The following NUBPL variants were observed in gnomAD, a reference collection of about 807,000 sequenced individuals.
The protein encoded by NUBPL is iron-sulfur cluster transfer protein NUBPL.
Under a neutral mutation model 45.7 loss-of-function variants are expected in NUBPL, and 31 were observed. The observed-to-expected ratio is 0.68, with a 90% CI of 0.51 to 0.92. NUBPL has a LOEUF of 0.92. NUBPL is among the 40% of genes least tolerant of loss of function. The pLI, the probability that NUBPL is intolerant of heterozygous loss-of-function variation, is 0.00. For synonymous variants in NUBPL, 144 were observed against 140.9 expected (o/e 1.02, Z -0.15); for missense variants, 401 against 398.7 (o/e 1.01, Z -0.05).
intron 6 of NUBPL, among the ~76,000 whole-genome samples, chr14:31,725,591 C>A (rs1398560194): frequency 6.6e-6 from 1 of 151,196 alleles, no homozygotes; most frequent in Non-Finnish European, 1.5e-5. Context: ...GTGCATGAAA[C>A]AAATCTTTGA....
intron 3 of NUBPL, among the ~76,000 whole-genome samples, chr14:31,589,349 G>A (rs2034081295): frequency 6.6e-6 from 1 of 152,060 alleles, no homozygotes; most frequent in African/African-American, 2.4e-5. Context: ...GATGACATCT[G>A]TGATTGAGTA....
intron 7 of NUBPL, among the ~76,000 whole-genome samples, chr14:31,809,950 G>A (rs1395512601): frequency 6.6e-6 from 1 of 152,176 alleles, no homozygotes; most frequent in Non-Finnish European, 1.5e-5. Flanking sequence ...TTAATCCTGA[G>A]TTCTAATTTG....
intron 6 of NUBPL, among the ~76,000 whole-genome samples, chr14:31,751,222 G>T (rs1595579985): frequency 6.6e-6 from 1 of 152,158 alleles, no homozygotes; most frequent in Non-Finnish European, 1.5e-5. Flanking sequence ...TTCACATTTT[G>T]AAATGCAGTC....
chr14:31,763,675 T>A (rs868240627), intron 6 of NUBPL, among the ~76,000 whole-genome samples: 1 of 152,218 alleles, frequency 6.6e-6, no homozygotes, highest in Non-Finnish European at 1.5e-5. Context: ...TGTTTTCTGA[T>A]GAAAAGTAGC....
chr14:31,707,773 A>G (rs1458328552), intron 6 of NUBPL, among the ~76,000 whole-genome samples: 1 of 152,222 alleles, frequency 6.6e-6, no homozygotes, highest in African/African-American at 2.4e-5. Flanking sequence ...AGAAAGTTCA[A>G]GAGATCTAGA....
intron 4 of NUBPL, among the ~76,000 whole-genome samples, chr14:31,637,221 C>T (rs891730917): frequency 6.6e-6 from 1 of 152,140 alleles, no homozygotes; most frequent in Non-Finnish European, 1.5e-5. Flanking sequence ...CTCTTGTGGG[C>T]ATTTAGTGCT....
At chr14:31,851,498 T>C (rs1038104106) in intron 10 of NUBPL, among the ~76,000 whole-genome samples, 3 of 152,176 alleles carry the variant, frequency 2.0e-5, no homozygotes, top group African/African-American at 7.2e-5. Flanking sequence ...TCAGCAGCTA[T>C]GGTATAGGTG....
intron 6 of NUBPL, among the ~76,000 whole-genome samples, chr14:31,734,216 G>A (rs140949491): frequency 1.3e-5 from 2 of 152,050 alleles, no homozygotes; most frequent in South Asian, 4.1e-4. Context: ...CACATAAAAG[G>A]CTTCAGAATC....
intron 8 of NUBPL, chr14:31,845,820 A>C (rs2040443227): frequency 6.5e-6 from 1 of 153,508 alleles, no homozygotes; most frequent in South Asian, 2.0e-4. Flanking sequence ...GTTACCTCTT[A>C]GGTATTTATT....
chr14:31,701,241 C>T (rs1207385823), intron 6 of NUBPL, among the ~76,000 whole-genome samples: 2 of 151,782 alleles, frequency 1.3e-5, no homozygotes, highest in Non-Finnish European at 2.9e-5. Flanking sequence ...AGTCAGTGCT[C>T]TGTATCTAGC....
intron 8 of NUBPL, among the ~76,000 whole-genome samples, chr14:31,837,042 A>C (rs2040292877): frequency 6.6e-6 from 1 of 152,152 alleles, no homozygotes; most frequent in East Asian, 1.9e-4. Flanking sequence ...TGTTTTATTT[A>C]TGTTCAGTTT....
At chr14:31,687,428 T>C (rs929500343) in intron 6 of NUBPL, among the ~76,000 whole-genome samples, 2 of 152,232 alleles carry the variant, frequency 1.3e-5, no homozygotes, top group Non-Finnish European at 2.9e-5. Context: ...TCAAAACTTA[T>C]GCATACAAAA....
At chr14:31,851,445 G>C (rs1343906991) in intron 10 of NUBPL, among the ~76,000 whole-genome samples, 1 of 152,100 alleles carries the variant, frequency 6.6e-6, no homozygotes, top group Non-Finnish European at 1.5e-5. Flanking sequence ...CATTTTGAGT[G>C]ATCTGTTTTC....
intron 10 of NUBPL, among the ~76,000 whole-genome samples, chr14:31,851,248 T>C (rs2040534457): frequency 1.3e-5 from 2 of 151,362 alleles, no homozygotes; most frequent in African/African-American, 4.9e-5. Context: ...TTTTTTTTTT[T>C]TTCTTTTCCT....
rs773326267 is a variant in NUBPL at position 31,841,921 on chromosome 14, T to TGTTTTTG, written c.694-4550_694-4549insGTTTTTG. Among the ~76,000 whole-genome samples, 429 of 98,802 alleles carry TGTTTTTG rather than the reference T, an allele frequency of 4.3e-3. 23 individuals are homozygous for TGTTTTTG. Among genetic ancestry groups the TGTTTTTG allele is most frequent in the South Asian group, 9.5e-3 (25 of 2,628 alleles). 64.8% of individuals were successfully genotyped at this position (98,802 alleles called of 152,430 possible). ...CATGTATGGGTCGATTCTGGGCTTT[T>TGTTTTTG]TTTTTTTTTTTTTTTTTTTTTTTTT... On this transcript the variant is annotated intron_variant, in intron 8 of 10. Transcript: ENST00000281081.
chr14:31,737,407 A>G (rs909131417), intron 6 of NUBPL, among the ~76,000 whole-genome samples: 17 of 152,214 alleles, frequency 1.1e-4, no homozygotes, highest in African/African-American at 3.9e-4. Context: ...TTATAAATCA[A>G]GTGACCATAT....
Position 31,738,343 on chromosome 14 carries a change from A to T in NUBPL, c.514-49437A>T, listed in dbSNP as rs192655467. Among the ~76,000 whole-genome samples the T allele has an allele frequency of 5.0e-4, 76 of 152,314 alleles. 1 individual carries two copies. The highest frequency in any genetic ancestry group is 1.8e-3 in the African/African-American group (73 of 41,584). On this transcript the variant is annotated intron_variant, in intron 6 of 10. Coordinates refer to ENST00000281081, the MANE Select transcript of NUBPL (RefSeq NM_025152.3). ...TCTCTTCACCAGAGGCTACAACCTT[A>T]CAGAACTGTGATCAGTGATTATGTC...
chr14:31,610,877 C>A (rs1307570428), intron 4 of NUBPL, among the ~76,000 whole-genome samples: 1 of 152,170 alleles, frequency 6.6e-6, no homozygotes, highest in Non-Finnish European at 1.5e-5. Flanking sequence ...TAAAATTCAA[C>A]ATCCCTTCAG....
At chr14:31,597,664 C>T (rs2034319701) in intron 3 of NUBPL, among the ~76,000 whole-genome samples, 1 of 151,990 alleles carries the variant, frequency 6.6e-6, no homozygotes, top group African/African-American at 2.4e-5. Context: ...ATTGTAAAAC[C>T]AGCATTGATA....
Sources: gnomAD v4.1 joint callset for allele counts (sites outside exome capture counted in the v4.1 genomes callset) on GRCh38, gnomAD v4.1.1 for gene constraint, MANE v1.5 for transcripts, NCBI Gene and HGNC (gene_info 2026-07-23, HGNC 2026-07-21) for gene names.